The following SLC20A2 variants were observed in gnomAD, a reference collection of about 807,000 sequenced individuals.
SLC20A2 encodes sodium-dependent phosphate transporter 2.
In SLC20A2, 30 loss-of-function variants were observed where a neutral mutation model predicts 61.0. That is an observed-to-expected ratio of 0.49 (90% CI 0.37 to 0.67). The LOEUF is 0.67. Ranked by LOEUF, SLC20A2 falls within the 30% of genes least tolerant of loss-of-function variation. SLC20A2 has a pLI of 0.00. For missense variants in SLC20A2, 626 were observed against 866.4 expected (o/e 0.72, Z 3.48); for synonymous variants, 351 against 353.3 (o/e 0.99, Z 0.07).
intron 8 of SLC20A2, among the ~76,000 whole-genome samples, chr8:42,434,616 G>GAT (rs1250433681): frequency 6.6e-6 from 1 of 152,216 alleles, no homozygotes; most frequent in East Asian, 1.9e-4. Flanking sequence ...GGCTCAGAGG[G>GAT]ATGTTAGAGA....
chr8:42,506,423 T>C (rs1810713452), intron 1 of SLC20A2, among the ~76,000 whole-genome samples: 1 of 152,172 alleles, frequency 6.6e-6, no homozygotes, highest in Non-Finnish European at 1.5e-5. Context: ...GGAAGTGAGA[T>C]GTATCTAGCA....
At chr8:42,455,257 T>TATATATATAGAGAG (rs1357416749) in intron 5 of SLC20A2, among the ~76,000 whole-genome samples, 3 of 81,616 alleles carry the variant, frequency 3.7e-5, no homozygotes, top group African/African-American at 8.8e-5. Flanking sequence ...TATATATATA[T>TATATATATAGAGAG]AGAGAGAGAG....
chr8:42,491,864 T>A (rs1586193692), intron 1 of SLC20A2, among the ~76,000 whole-genome samples: 1 of 152,190 alleles, frequency 6.6e-6, no homozygotes, highest in African/African-American at 2.4e-5. Flanking sequence ...TGATGTGGCA[T>A]TATGCACATC....
intron 5 of SLC20A2, among the ~76,000 whole-genome samples, chr8:42,445,795 C>T (rs981506642): frequency 3.3e-5 from 5 of 152,144 alleles, no homozygotes; most frequent in Non-Finnish European, 7.4e-5. Flanking sequence ...ATGCCCACCT[C>T]AGCCCAGCCC....
Position 42,437,650 on chromosome 8 carries a change from T to G in SLC20A2, c.935-73A>C. ...TTCTTTTCTTTTTGAGACGGAGCCTTGCTCTGTCCTCAGGGTGGAGTACAA... is the reference window on the plus strand; with the variant it reads ...TTCTTTTCTTTTTGAGACGGAGCCTGGCTCTGTCCTCAGGGTGGAGTACAA... On this transcript the variant is annotated intron_variant, in intron 7 of 10. Coordinates refer to ENST00000520262, the MANE Select transcript of SLC20A2 (RefSeq NM_001257180.2). The surrounding 1 kb of genome is among the most constrained non-coding windows in gnomAD (Gnocchi z 6.4). 2 of 1,270,960 alleles carry G rather than the reference T, an allele frequency of 1.6e-6. No homozygotes were observed. Among genetic ancestry groups the G allele is most frequent in the Non-Finnish European group, 2.1e-6 (2 of 944,328 alleles). The allele number at this position is 1,270,960 out of a possible 1,614,324, so 78.7% of individuals were successfully genotyped here.
At chr8:42,504,161 G>A (rs1245951087), upstream of SLC20A2, among the ~76,000 whole-genome samples, 1 of 152,082 alleles carries the variant, frequency 6.6e-6, no homozygotes, top group East Asian at 1.9e-4. Context: ...GGCCAGCCTC[G>A]AACTCCTGGG....
At chr8:42,539,016 G>C (rs1005927907) in intron 1 of SLC20A2, among the ~76,000 whole-genome samples, 2 of 152,092 alleles carry the variant, frequency 1.3e-5, no homozygotes, top group African/African-American at 4.8e-5. Flanking sequence ...CCCATCTCCA[G>C]TCACAAATTC....
chr8:42,483,805 T>C (rs1217634304), intron 1 of SLC20A2, among the ~76,000 whole-genome samples: 3 of 152,258 alleles, frequency 2.0e-5, no homozygotes, highest in African/African-American at 7.2e-5. Flanking sequence ...AATGTTGGAC[T>C]GTTTGGCTAA....
chr8:42,470,829 C>T (rs1384238951), intron 2 of SLC20A2, among the ~76,000 whole-genome samples: 1 of 151,884 alleles, frequency 6.6e-6, no homozygotes, highest in East Asian at 1.9e-4. Flanking sequence ...CAAAAATTAG[C>T]CAGGTGCGGT....
intron 1 of SLC20A2, chr8:42,536,303 G>T (rs908174574): frequency 2.0e-5 from 3 of 152,182 alleles, no homozygotes; most frequent in African/African-American, 7.2e-5. Context: ...CAAGATAAAT[G>T]ATATGATATC....
chr8:42,455,253 T>C (rs922138945), intron 5 of SLC20A2, among the ~76,000 whole-genome samples: 2 of 93,634 alleles, frequency 2.1e-5, no homozygotes, highest in Non-Finnish European at 4.7e-5. Flanking sequence ...TATATATATA[T>C]ATATAGAGAG....
intron 5 of SLC20A2, among the ~76,000 whole-genome samples, chr8:42,458,670 G>C (rs1259216834): frequency 6.6e-6 from 1 of 151,158 alleles, no homozygotes; most frequent in Non-Finnish European, 1.5e-5. Flanking sequence ...CACTTTGGGA[G>C]GCCAAGGTGG....
chr8:42,522,913 G>GGGC (rs1811677342), intron 1 of SLC20A2, among the ~76,000 whole-genome samples: 1 of 148,682 alleles, frequency 6.7e-6, no homozygotes, highest in African/African-American at 2.5e-5. Context: ...GCGGGGTGGG[G>GGGC]GGGGTCTCTC....
chr8:42,464,100 T>TTTTTTTTTG (rs1806945615), intron 3 of SLC20A2, among the ~76,000 whole-genome samples: 1 of 61,184 alleles, frequency 1.6e-5, no homozygotes, highest in Non-Finnish European at 3.4e-5. Context: ...ATCTTTTTTT[T>TTTTTTTTTG]TTTTTTTTTT....
chr8:42,510,873 T>C (rs569609955), intron 1 of SLC20A2, among the ~76,000 whole-genome samples: 12 of 152,058 alleles, frequency 7.9e-5, no homozygotes, highest in Admixed American at 4.6e-4. Context: ...AAAAATTTTA[T>C]ACATGGATTT....
At chr8:42,461,607 T>G (rs1266447605) in intron 4 of SLC20A2, among the ~76,000 whole-genome samples, 1 of 152,010 alleles carries the variant, frequency 6.6e-6, no homozygotes, top group Non-Finnish European at 1.5e-5. Context: ...TGCACCACCA[T>G]GCCGGGCTAA....
At chr8:42,421,945 T>G (rs923405468) in intron 10 of SLC20A2, among the ~76,000 whole-genome samples, 22 of 152,210 alleles carry the variant, frequency 1.4e-4, no homozygotes, top group Admixed American at 9.2e-4. Flanking sequence ...TGCGAGGACC[T>G]TGCCCTGCAC....
chr8:42,486,758 T>C (rs756575808), intron 1 of SLC20A2, among the ~76,000 whole-genome samples: 1 of 152,274 alleles, frequency 6.6e-6, no homozygotes, highest in African/African-American at 2.4e-5. Flanking sequence ...ACTTCTTGAC[T>C]GCAGTATGTC....
At chr8:42,539,566 C>G (rs768910147) in intron 1 of SLC20A2, among the ~76,000 whole-genome samples, 18 of 152,178 alleles carry the variant, frequency 1.2e-4, no homozygotes, top group Non-Finnish European at 2.4e-4. Context: ...CATTTAAATG[C>G]CCAGTAAAAC....
Sources: gnomAD v4.1 joint callset for allele counts (sites outside exome capture counted in the v4.1 genomes callset) on GRCh38, gnomAD v4.1.1 for gene constraint, Gnocchi (gnomAD v3.1) non-coding constraint, MANE v1.5 for transcripts, NCBI Gene and HGNC (gene_info 2026-07-23, HGNC 2026-07-21) for gene names.